DYSF: variants seen among roughly 807,000 people sequenced by gnomAD.
DYSF encodes the protein dystrophy-associated fer-1-like 1.
A neutral mutation model predicts 274.9 loss-of-function variants in DYSF; 212 were observed. The observed-to-expected ratio is 0.77, with a 90% CI of 0.69 to 0.86. The LOEUF (loss-of-function observed/expected upper bound fraction) is 0.86, where lower values mean the gene tolerates loss of function less well. DYSF is among the 40% of genes least tolerant of loss of function. The pLI is 0.00. For missense variants in DYSF, 2,666 were observed against 2,783.2 expected (o/e 0.96, Z 0.95); for synonymous variants, 1,091 against 1,078.7 (o/e 1.01, Z -0.22).
intron 14 of DYSF, among the ~76,000 whole-genome samples, chr2:71,534,497 T>C (rs2089095233): frequency 6.6e-6 from 1 of 152,204 alleles, no homozygotes; most frequent in South Asian, 2.1e-4. Flanking sequence ...AGGCAGACTA[T>C]GGCTTATAGG....
At chr2:71,555,919 TCTG>T in intron 21 of DYSF, 43 bp from the exon 22 acceptor site, 1 of 1,479,480 alleles carries the variant, frequency 6.8e-7, no homozygotes, top group East Asian at 2.5e-5. Context: ...GCATGCACCC[TCTG>T]CCCTGTGGTG....
intron 41 of DYSF, among the ~76,000 whole-genome samples, chr2:71,630,860 C>A (rs993639898): frequency 3.9e-5 from 6 of 152,300 alleles, no homozygotes; most frequent in African/African-American, 1.4e-4. Flanking sequence ...GTTCTTCAGG[C>A]CTGATTAGTA....
At chr2:71,481,586 T>C (rs1338685531) in intron 2 of DYSF, among the ~76,000 whole-genome samples, 1 of 152,212 alleles carries the variant, frequency 6.6e-6, no homozygotes, top group African/African-American at 2.4e-5. Flanking sequence ...TTCCTGGGGA[T>C]GGGTTGAAAC....
At chr2:71,556,655 C>T (rs75832806) in intron 22 of DYSF, among the ~76,000 whole-genome samples, 1 of 152,070 alleles carries the variant, frequency 6.6e-6, no homozygotes, top group Non-Finnish European at 1.5e-5. Flanking sequence ...AGTGCCTGGC[C>T]CTTGGGAAGG....
chr2:71,551,221 C>T (rs897086681), intron 18 of DYSF, 65 bp downstream of exon 18: 1 of 1,543,428 alleles, frequency 6.5e-7, no homozygotes, highest in Non-Finnish European at 9.0e-7. Flanking sequence ...GGAGCCCAGG[C>T]CTGCATGCAG....
intron 52 of DYSF, among the ~76,000 whole-genome samples, chr2:71,677,346 T>C (rs1393995079): frequency 6.6e-6 from 1 of 152,256 alleles, no homozygotes; most frequent in Admixed American, 6.5e-5. Flanking sequence ...TTAATTTGGC[T>C]TCAGAAAATA....
At chr2:71,641,469 A>AGG (rs2094485822) in intron 41 of DYSF, among the ~76,000 whole-genome samples, 1 of 152,140 alleles carries the variant, frequency 6.6e-6, no homozygotes, top group East Asian at 1.9e-4. Flanking sequence ...TATCTATTTT[A>AGG]ATGGTCTTTT....
At chr2:71,571,788 A>G (rs2092481286) in intron 29 of DYSF, among the ~76,000 whole-genome samples, 1 of 146,154 alleles carries the variant, frequency 6.8e-6, no homozygotes. Flanking sequence ...CACACAGATC[A>G]CACCCAGCAC....
intron 5 of DYSF, 133 bp downstream of exon 5, chr2:71,512,054 T>A: frequency 2.9e-6 from 2 of 695,326 alleles, no homozygotes; most frequent in Non-Finnish European, 5.2e-6. Flanking sequence ...TGCCCAGGCC[T>A]GGAAAGAAGA....
intron 50 of DYSF, among the ~76,000 whole-genome samples, 182 bp downstream of exon 50, chr2:71,669,389 G>A (rs1484765702): frequency 2.6e-5 from 4 of 152,166 alleles, no homozygotes; most frequent in Non-Finnish European, 4.4e-5. Context: ...TTCTTTTTCT[G>A]CACTGAACTT....
intron 44 of DYSF, among the ~76,000 whole-genome samples, chr2:71,659,517 C>G (rs534791708): frequency 5.3e-5 from 8 of 152,044 alleles, no homozygotes; most frequent in Admixed American, 5.2e-4. Flanking sequence ...TGGCAGAGTC[C>G]CAGGTAAAAG....
intron 20 of DYSF, 76 bp downstream of exon 20, chr2:71,553,264 C>T: frequency 1.3e-6 from 2 of 1,599,866 alleles, no homozygotes; most frequent in Non-Finnish European, 1.7e-6. Flanking sequence ...TCCCGCCTCC[C>T]ATGGAAAGCT....
At chr2:71,622,447 C>T (rs911304466) in intron 41 of DYSF, among the ~76,000 whole-genome samples, 30 of 152,092 alleles carry the variant, frequency 2.0e-4, no homozygotes, top group African/African-American at 7.2e-4. Flanking sequence ...ATGCCTCATT[C>T]CTTTTTCCAA....
At chr2:71,660,474 A>G (rs2094858624) in intron 44 of DYSF, 86 bp from the exon 45 acceptor site, 2 of 1,175,636 alleles carry the variant, frequency 1.7e-6, no homozygotes, top group South Asian at 1.2e-5. Context: ...CTGCTCCCTC[A>G]TCCCATCCAG....
intron 55 of DYSF, 40 bp downstream of exon 55, chr2:71,682,717 G>A: frequency 6.3e-7 from 1 of 1,596,670 alleles, no homozygotes; most frequent in South Asian, 1.1e-5. Context: ...GGAACTCTGG[G>A]TCTAATGGGG....
chr2:71,484,025 G>GGCTCTGT (rs1257592912), intron 3 of DYSF, among the ~76,000 whole-genome samples: 1 of 149,178 alleles, frequency 6.7e-6, no homozygotes, highest in East Asian at 2.0e-4. Context: ...CATTTTTACA[G>GGCTCTGT]GCTCTGTGGG....
intron 4 of DYSF, among the ~76,000 whole-genome samples, chr2:71,510,058 C>T (rs983446457): frequency 3.9e-5 from 6 of 152,236 alleles, no homozygotes; most frequent in African/African-American, 1.4e-4. Flanking sequence ...CAGGCATGAA[C>T]CACCTCGCCC....
At chr2:71,618,900 G>C (rs566892122) in intron 40 of DYSF, among the ~76,000 whole-genome samples, 2 of 151,768 alleles carry the variant, frequency 1.3e-5, no homozygotes, top group Non-Finnish European at 2.9e-5. Context: ...CCGGCTCTGG[G>C]ACTCCCAGGC....
At chr2:71,681,295 C>A (rs574052081) in intron 54 of DYSF, among the ~76,000 whole-genome samples, 185 bp downstream of exon 54, 1 of 152,238 alleles carries the variant, frequency 6.6e-6, no homozygotes, top group Admixed American at 6.5e-5. Context: ...CCAGAGAACA[C>A]TGGGCTCAGC....
Sources: allele counts gnomAD v4.1 joint callset (sites outside exome capture counted in the v4.1 genomes callset), GRCh38; gene constraint gnomAD v4.1.1; transcripts MANE v1.5; gene names NCBI Gene and HGNC (gene_info 2026-07-23, HGNC 2026-07-21).